DOCK5: variants seen among roughly 807,000 people sequenced by gnomAD.
The protein encoded by DOCK5 is dedicator of cytokinesis protein 5.
Under a neutral mutation model 251.8 loss-of-function variants are expected in DOCK5, and 142 were observed. The ratio of observed to expected loss-of-function variants is 0.56; its 90% CI spans 0.49 to 0.65. The LOEUF is 0.65. DOCK5 is among the 30% of genes least tolerant of loss of function. DOCK5 has a pLI of 0.00. For missense variants in DOCK5, 2,111 were observed against 2,312.3 expected, an observed-to-expected ratio of 0.91 and a Z score of 1.79; for synonymous variants, 842 against 835.5, an observed-to-expected ratio of 1.01 and a Z score of -0.13.
chr8:25,410,084 TTC>T lies in DOCK5; in HGVS notation c.5405-13_5405-12del. ...AGTGCCTCTCTCTGCCGCCTGCACT[TTC>T]TGTCATTTCTAGGCTCCCCATCGTT... On this transcript the variant is annotated splice_polypyrimidine_tract_variant and intron_variant, in intron 50 of 51. Coordinates refer to ENST00000276440, the MANE Select transcript of DOCK5 (RefSeq NM_024940.8). The T allele has an allele frequency of 6.2e-7, 1 of 1,608,070 alleles. No individual in the cohort carries two copies. The highest frequency in any genetic ancestry group is 2.2e-5 in the East Asian group (1 of 44,640).
chr8:25,229,092 A>C (rs1382345090), intron 1 of DOCK5, among the ~76,000 whole-genome samples: 1 of 151,584 alleles, frequency 6.6e-6, no homozygotes, highest in Non-Finnish European at 1.5e-5. Flanking sequence ...AAAAATTGTG[A>C]TGCAAGAATT....
intron 21 of DOCK5, among the ~76,000 whole-genome samples, chr8:25,335,822 A>G (rs17197236): frequency 0.048 from 7,325 of 152,298 alleles, 251 homozygotes; most frequent in South Asian, 0.12. Context: ...ATGGATCCCA[A>G]TGGGTTGAGG....
intron 6 of DOCK5, 109 bp from the exon 7 acceptor site, chr8:25,296,404 C>T (rs1804615489): frequency 7.1e-7 from 1 of 1,403,332 alleles, no homozygotes; most frequent in African/African-American, 1.4e-5. Flanking sequence ...TGGGCTTGTC[C>T]AGCATCTCCC....
chr8:25,260,796 C>CTT (rs756698835), intron 2 of DOCK5, among the ~76,000 whole-genome samples: 4 of 146,650 alleles, frequency 2.7e-5, no homozygotes, highest in African/African-American at 7.4e-5. Context: ...TTCTTTCTTT[C>CTT]TTTTTTTTTT....
chr8:25,249,480 C>G (rs1007906659), intron 2 of DOCK5, among the ~76,000 whole-genome samples: 27 of 152,214 alleles, frequency 1.8e-4, no homozygotes, highest in African/African-American at 6.5e-4. Flanking sequence ...AGCTCTGTAC[C>G]CATCGGTAGT....
At chr8:25,357,772 A>G (rs149146474) in intron 27 of DOCK5, among the ~76,000 whole-genome samples, 82 of 152,188 alleles carry the variant, frequency 5.4e-4, no homozygotes, top group African/African-American at 1.9e-3. Flanking sequence ...TGCTTGGGGA[A>G]TCTTTCCCTC....
At chr8:25,371,268 T>G (rs1441254946) in intron 34 of DOCK5, among the ~76,000 whole-genome samples, 2 of 152,016 alleles carry the variant, frequency 1.3e-5, no homozygotes, top group Non-Finnish European at 2.9e-5. Flanking sequence ...GCCAGGGTGG[T>G]CTCCATCTCT....
Position 25,374,843 on chromosome 8 carries a change from C to T in DOCK5, c.3816+189C>T, listed in dbSNP as rs570070146. 11 of 1,435,118 alleles carry T rather than the reference C, an allele frequency of 7.7e-6. No individual in the cohort carries two copies. The East Asian group carries it at 1.4e-4, about 18-fold the overall frequency. The allele number at this position is 1,435,118 out of a possible 1,614,324, so 88.9% of individuals were successfully genotyped here. The stretch of plus-strand genomic sequence containing the variant: ...TCAAGTATGGGAAAATGTCAGTTAT[C>T]TTTTATTTAAAAATCCTTAGAAAGC... On this transcript the variant is annotated intron_variant, in intron 37 of 51. Transcript: ENST00000276440.
At chr8:25,318,254 AT>A (rs34631695) in intron 14 of DOCK5, among the ~76,000 whole-genome samples, 122,168 of 151,332 alleles carry the variant, frequency 0.81, 49,383 homozygotes, top group Middle Eastern at 0.85. Context: ...TGCTCGACTG[AT>A]TTTTTTTATA....
chr8:25,263,960 T>A (rs1803663664), intron 2 of DOCK5, among the ~76,000 whole-genome samples: 1 of 151,938 alleles, frequency 6.6e-6, no homozygotes, highest in Non-Finnish European at 1.5e-5. Context: ...CAAAGACTAC[T>A]GTCCTCCTAT....
intron 22 of DOCK5, among the ~76,000 whole-genome samples, chr8:25,339,747 G>T (rs1419670376): frequency 6.6e-6 from 1 of 152,186 alleles, no homozygotes; most frequent in Non-Finnish European, 1.5e-5. Context: ...AATGATGTGG[G>T]GCCTTGTAGG....
chr8:25,237,768 C>G (rs1052181527), intron 1 of DOCK5, among the ~76,000 whole-genome samples: 2 of 152,182 alleles, frequency 1.3e-5, no homozygotes, highest in African/African-American at 4.8e-5. Context: ...GTGGTGGTGC[C>G]TGCCGGTTCA....
Position 25,209,763 on chromosome 8 carries a change from A to G in DOCK5, c.43+24812A>G, listed in dbSNP as rs377534848. Among the ~76,000 whole-genome samples the G allele has an allele frequency of 4.4e-5, 3 of 67,846 alleles. 1 individual carries two copies. The highest frequency in any genetic ancestry group is 3.4e-4 in the Admixed American group (2 of 5,952). The allele number at this position is 67,846 out of a possible 152,430, so 44.5% of individuals were successfully genotyped here. Reference sequence around the variant, plus strand: ...CTTTGGATCTTGGAAGGAACCTAGAATGTCAGCTGGGCTCTCACTTCTACT... The same window carrying G: ...CTTTGGATCTTGGAAGGAACCTAGAGTGTCAGCTGGGCTCTCACTTCTACT... On this transcript the variant is annotated intron_variant, in intron 1 of 51. Coordinates refer to ENST00000276440, the MANE Select transcript of DOCK5 (RefSeq NM_024940.8).
intron 2 of DOCK5, among the ~76,000 whole-genome samples, chr8:25,249,819 C>T (rs1384312902): frequency 6.6e-6 from 1 of 152,234 alleles, no homozygotes; most frequent in African/African-American, 2.4e-5. Flanking sequence ...ATCCTGGGCT[C>T]AGGCAGTTCT....
intron 45 of DOCK5, among the ~76,000 whole-genome samples, chr8:25,396,987 G>T (rs1195144636): frequency 7.9e-5 from 12 of 152,122 alleles, no homozygotes; most frequent in Admixed American, 7.9e-4. Flanking sequence ...TTGGGAAGCC[G>T]AGGCGGGAGA....
At chr8:25,269,731 T>G (rs540076344) in intron 3 of DOCK5, among the ~76,000 whole-genome samples, 1 of 152,378 alleles carries the variant, frequency 6.6e-6, no homozygotes, top group African/African-American at 2.4e-5. Context: ...GTCAGCACTT[T>G]CTTTTGAAAG....
intron 1 of DOCK5, among the ~76,000 whole-genome samples, chr8:25,205,604 A>G (rs1801982760): frequency 6.6e-6 from 1 of 152,188 alleles, no homozygotes; most frequent in Admixed American, 6.5e-5. Flanking sequence ...ATCTAGTGAA[A>G]GTAATTCACA....
At position 25,369,639 on chromosome 8, in the gene DOCK5, A is replaced by C. The variant is rs2117281535; in HGVS notation, c.3522A>C (p.Lys1174Asn). 1.2e-6 allele frequency: 2 copies of C among 1,606,136 alleles called. No homozygotes were observed. Among genetic ancestry groups the C allele is most frequent in the Middle Eastern group, 1.7e-4 (1 of 6,046 alleles). The change falls in exon 34 of 52, where the codon AAA (lysine) becomes AAC (asparagine). Residue 1174 changes from lysine (K) to asparagine (N), a missense_variant and splice_region_variant. Physicochemically the swap from Lys to Asn is moderately conservative, Grantham distance 94 (BLOSUM62 0). Coordinates refer to ENST00000276440, the MANE Select transcript of DOCK5 (RefSeq NM_024940.8). The part of the protein sequence containing the change: ...GDEQYKVLLE[K>N]LLLEHCRKHK... ...AACAATACAAGGTTCTTCTGGAAAAACTGTGAGTATTTCAGGAACGAAACC... is the reference window on the plus strand; with the variant it reads ...AACAATACAAGGTTCTTCTGGAAAACCTGTGAGTATTTCAGGAACGAAACC...
Position 25,184,779 on chromosome 8 carries a change from G to C in DOCK5, c.-130G>C. On this transcript the variant is annotated 5_prime_UTR_variant, in exon 1 of 52. Transcript: ENST00000276440. ...GCGGCGCGGCGAGGAGGCGGCCCGC[G>C]GAGTCCAGCGAAGTTTGGCGGAACA... is the stretch of plus-strand genomic sequence containing the variant. The C allele has an allele frequency of 1.2e-6, 1 of 862,016 alleles. No homozygotes were observed. The highest frequency in any genetic ancestry group is 1.5e-6 in the Non-Finnish European group (1 of 657,396). The allele number at this position is 862,016 out of a possible 1,614,324, so 53.4% of individuals were successfully genotyped here.
Sources: allele counts gnomAD v4.1 joint callset (sites outside exome capture counted in the v4.1 genomes callset), GRCh38; gene constraint gnomAD v4.1.1; transcripts MANE v1.5; gene names NCBI Gene and HGNC (gene_info 2026-07-23, HGNC 2026-07-21).